The following BOC variants were observed in gnomAD, a reference collection of about 807,000 sequenced individuals.
BOC encodes brother of CDO.
BOC carries 76 observed loss-of-function variants against 112.0 expected under a neutral mutation model. That is an observed-to-expected ratio of 0.68 (90% CI 0.56 to 0.82). The LOEUF (loss-of-function observed/expected upper bound fraction) is 0.82, where lower values mean the gene tolerates loss of function less well. Among genes scored for constraint, BOC ranks in the 40% least tolerant of loss-of-function variants. BOC has a pLI of 0.00. For synonymous variants in BOC, 580 were observed against 599.8 expected (o/e 0.97, Z 0.48); for missense variants, 1,309 against 1,511.7 (o/e 0.87, Z 2.22).
chr3:113,243,625 T>TA (rs1640948640), intron 2 of BOC, among the ~76,000 whole-genome samples: 1 of 152,178 alleles, frequency 6.6e-6, no homozygotes, highest in Non-Finnish European at 1.5e-5. Flanking sequence ...AGACCACTGT[T>TA]ACAGATAAAC....
intron 4 of BOC, among the ~76,000 whole-genome samples, chr3:113,257,200 C>T (rs184005395): frequency 5.9e-5 from 9 of 152,266 alleles, no homozygotes; most frequent in Non-Finnish European, 7.4e-5. Context: ...CACCTTTAGA[C>T]GGAGATGTTT....
intron 18 of BOC, among the ~76,000 whole-genome samples, 170 bp from the exon 19 acceptor site, chr3:113,285,202 G>A (rs1444138059): frequency 6.6e-6 from 1 of 152,236 alleles, no homozygotes; most frequent in Non-Finnish European, 1.5e-5. Context: ...AATGATCAGT[G>A]GGAATGATGG....
chr3:113,270,690 A>C, intron 5 of BOC, 111 bp from the exon 6 acceptor site: 1 of 1,289,592 alleles, frequency 7.8e-7, no homozygotes, highest in Non-Finnish European at 1.1e-6. Context: ...ATCAGCTCCT[A>C]GTGCCTGCCC....
intron 4 of BOC, among the ~76,000 whole-genome samples, chr3:113,261,072 C>T (rs1946821863): frequency 6.6e-6 from 1 of 152,132 alleles, no homozygotes; most frequent in African/African-American, 2.4e-5. Context: ...TATGCAGTTT[C>T]CAGGTGTGTG....
intron 2 of BOC, among the ~76,000 whole-genome samples, chr3:113,237,744 C>T (rs1224676334): frequency 6.6e-6 from 1 of 152,066 alleles, no homozygotes; most frequent in Non-Finnish European, 1.5e-5. Flanking sequence ...TAGTCCTTTC[C>T]CCCCAGGAAA....
chr3:113,243,326 C>T (rs1351990162), intron 2 of BOC, among the ~76,000 whole-genome samples: 4 of 152,168 alleles, frequency 2.6e-5, no homozygotes, highest in East Asian at 1.9e-4. Flanking sequence ...GATGAGAAGT[C>T]AACAAAATAA....
At chr3:113,286,150 A>G (rs545648604) in intron 19 of BOC, among the ~76,000 whole-genome samples, 33 of 152,264 alleles carry the variant, frequency 2.2e-4, no homozygotes, top group African/African-American at 7.7e-4. Flanking sequence ...GAGGGCACCA[A>G]GTATCCACTA....
Position 113,270,947 on chromosome 3 carries a change from A to G in BOC, c.667+3A>G. Reference sequence around the variant, plus strand: ...CAGCGACAGGCTACGTGTGCGCCGTAAGGCCCGGGCCCACCTGCTGGGGGA... The same window carrying G: ...CAGCGACAGGCTACGTGTGCGCCGTGAGGCCCGGGCCCACCTGCTGGGGGA... On this transcript the variant is annotated splice_donor_region_variant and intron_variant, in intron 6 of 19. Transcript: ENST00000682979. The G allele has an allele frequency of 6.2e-7, 1 of 1,614,160 alleles. No individual in the cohort carries two copies. Among genetic ancestry groups the G allele is most frequent in the South Asian group, 1.1e-5 (1 of 91,088 alleles).
In BOC at chr3:113,278,520, G is replaced by T. The variant is rs1006995669; in HGVS notation, c.1706-153G>T. On this transcript the variant is annotated intron_variant, in intron 10 of 19. Transcript: ENST00000682979. This position sits in a 1 kb window ranked among gnomAD's most constrained non-coding sequence, Gnocchi z 4.2. ...ATAGTACCACAACAGAACCAGTCTC[G>T]GCCGAGGCTGAGCCCACACCCTCAG... Among the ~76,000 whole-genome samples, 1 of 152,004 alleles carries T rather than the reference G, an allele frequency of 6.6e-6. No individual in the cohort carries two copies.
intron 9 of BOC, among the ~76,000 whole-genome samples, chr3:113,275,915 G>A (rs999914136): frequency 6.6e-6 from 1 of 152,166 alleles, no homozygotes; most frequent in African/African-American, 2.4e-5. Flanking sequence ...CTAAGGCAGA[G>A]CACCCCCTAT....
chr3:113,270,604 A>T (rs1299597844), intron 5 of BOC, 197 bp from the exon 6 acceptor site: 18 of 584,600 alleles, frequency 3.1e-5, no homozygotes, highest in Non-Finnish European at 5.2e-5. Context: ...TCTCTCTGGC[A>T]CTCTGTCCTG....
chr3:113,285,426 C>T lies in BOC; in HGVS notation c.3021C>T (p.Asp1007=), dbSNP rs746996327. 1.2e-5 allele frequency: 19 copies of T among 1,613,828 alleles called. No individual in the cohort carries two copies. In the East Asian group the frequency reaches 4.2e-4, roughly 36 times the overall value. ...EGSFLYTLPD[D]STHQLLQPHH... ...CTTTCTTATACACACTGCCCGACGA[C>T]TCCACTCACCAGCTGCTGCAGCCCC... The change falls in exon 19 of 20, where the codon GAC becomes GAT. Residue 1007 remains aspartate, a synonymous_variant. Coordinates refer to ENST00000682979, the MANE Select transcript of BOC (RefSeq NM_001378074.1).
rs9845528 is a variant in BOC at position 113,215,378 on chromosome 3, G to T, written c.-169-809G>T. Among the ~76,000 whole-genome samples the T allele has an allele frequency of 5.2e-3, 788 of 152,278 alleles. 2 individuals are homozygous for T. Among genetic ancestry groups the T allele is most frequent in the Non-Finnish European group, 8.2e-3 (557 of 68,010 alleles). ...CTCAAATGGCACTGCCTTTAGGAGG[G>T]TTAGGAAACTGGGGTTGGAATCTAA... On this transcript the variant is annotated intron_variant, in intron 1 of 19. Coordinates refer to ENST00000682979, the MANE Select transcript of BOC (RefSeq NM_001378074.1).
chr3:113,247,702 C>G (rs183014427), intron 2 of BOC, among the ~76,000 whole-genome samples: 58 of 152,220 alleles, frequency 3.8e-4, no homozygotes, highest in African/African-American at 1.3e-3. Context: ...AAAGGAAATA[C>G]ATTGTGTAAG....
rs1391302940 is a variant in BOC, at chr3:113,240,477, G to A, written c.-81-9245G>A. ...CTGTAGTTGTCAGGGAGCATTCCAA[G>A]TTGTTTGTCACCAGTAGTAAAACTC... is the stretch of plus-strand genomic sequence containing the variant. On this transcript the variant is annotated intron_variant, in intron 2 of 19. Coordinates refer to ENST00000682979, the MANE Select transcript of BOC (RefSeq NM_001378074.1). Among the ~76,000 whole-genome samples the A allele has an allele frequency of 3.9e-5, 6 of 152,286 alleles. No individual in the cohort carries two copies. In the South Asian group the frequency reaches 1.2e-3, roughly 32 times the overall value.
chr3:113,268,358 GCAGTCATTGCCTGC>G lies in BOC; in HGVS notation c.439_452del (p.Val147ProfsTer3). ...GATTGAAGTGGATGAGGGAAACACAGCAGTCATTGCCTGCCACCTGCCTGAGAGCCACCCCAAAG... is the reference window on the plus strand; with the variant it reads ...GATTGAAGTGGATGAGGGAAACACAGCACCTGCCTGAGAGCCACCCCAAAG... On this transcript the variant is annotated frameshift_variant, in exon 5 of 20. Coordinates refer to ENST00000682979, the MANE Select transcript of BOC (RefSeq NM_001378074.1). LOFTEE classifies it high-confidence loss of function. The G allele has an allele frequency of 6.2e-7, 1 of 1,614,156 alleles. No homozygotes were observed. The highest frequency in any genetic ancestry group is 8.5e-7 in the Non-Finnish European group (1 of 1,180,022).
chr3:113,211,674 G>T lies in BOC; in HGVS notation c.-512G>T, dbSNP rs1938167201. 6.6e-6 allele frequency: 1 copy of T among 152,252 alleles called. No homozygotes were observed. The highest frequency in any genetic ancestry group is 1.5e-5 in the Non-Finnish European group (1 of 68,152). 9.4% of individuals were successfully genotyped at this position (152,252 alleles called of 1,614,324 possible). ...CCGCTTTCTGCCGCGGGGACCCTGA[G>T]CCCCGGCCCGCCGGTGTCAGCCGCC... On this transcript the variant is annotated 5_prime_UTR_variant, in exon 1 of 20. Coordinates refer to ENST00000682979, the MANE Select transcript of BOC (RefSeq NM_001378074.1).
intron 2 of BOC, among the ~76,000 whole-genome samples, chr3:113,222,916 G>T (rs1291439431): frequency 6.6e-6 from 1 of 152,226 alleles, no homozygotes; most frequent in African/African-American, 2.4e-5. Flanking sequence ...CACCAGAGAG[G>T]CTGGTAGGGC....
rs1303263116 is a variant in BOC, at chr3:113,274,207, C to T, written c.1235-168C>T. Among the ~76,000 whole-genome samples the T allele has an allele frequency of 3.3e-5, 5 of 152,248 alleles. No individual in the cohort carries two copies. The highest frequency in any genetic ancestry group is 7.2e-5 in the African/African-American group (3 of 41,476). ...CCTTCTGGCAGGACAGGGACACCAG[C>T]GCTGTCTTCCACGGAGCCTGGCTGG... On this transcript the variant is annotated intron_variant, in intron 8 of 19. Coordinates refer to ENST00000682979, the MANE Select transcript of BOC (RefSeq NM_001378074.1). This position sits in a 1 kb window ranked among gnomAD's most constrained non-coding sequence, Gnocchi z 4.8.
Sources: allele counts gnomAD v4.1 joint callset (sites outside exome capture counted in the v4.1 genomes callset), GRCh38; gene constraint gnomAD v4.1.1; non-coding constraint Gnocchi (gnomAD v3.1); transcripts MANE v1.5; gene names NCBI Gene and HGNC (gene_info 2026-07-23, HGNC 2026-07-21).